Variants in MLLT3 observed in about 807,000 individuals in gnomAD.
The protein encoded by MLLT3 is MLLT3 super elongation complex subunit, also known as protein AF-9.
A neutral mutation model predicts 53.2 loss-of-function variants in MLLT3; 4 were observed. That is an observed-to-expected ratio of 0.08 (90% confidence interval 0.04 to 0.17). The LOEUF is 0.17. MLLT3 is among the 10% of genes least tolerant of loss of function. The probability of loss-of-function intolerance (pLI) is 1.00; values close to 1 mark genes in which losing one functional copy is unlikely to be tolerated. For synonymous variants in MLLT3, 283 were observed against 230.6 expected, an observed-to-expected ratio of 1.23 and a Z score of -2.06; for missense variants, 569 against 684.0, an observed-to-expected ratio of 0.83 and a Z score of 1.87.
chr9:20,484,764 G>T (rs190979900), intron 2 of MLLT3, among the ~76,000 whole-genome samples: 5 of 152,106 alleles, frequency 3.3e-5, no homozygotes, highest in Admixed American at 3.3e-4. Flanking sequence ...GCCTAATATG[G>T]TGCTTAACCC....
At chr9:20,406,230 C>G (rs1344251132) in intron 5 of MLLT3, among the ~76,000 whole-genome samples, 1 of 152,088 alleles carries the variant, frequency 6.6e-6, no homozygotes, top group Non-Finnish European at 1.5e-5. Context: ...GGCCATATAG[C>G]GAGACCCTGT....
intron 4 of MLLT3, among the ~76,000 whole-genome samples, chr9:20,431,076 G>A (rs886699798): frequency 6.6e-6 from 1 of 152,140 alleles, no homozygotes; most frequent in Middle Eastern, 3.4e-3. Flanking sequence ...CAAGAAAATA[G>A]AACAATGAGA....
intron 2 of MLLT3, among the ~76,000 whole-genome samples, chr9:20,584,150 C>A (rs1204058552): frequency 6.6e-6 from 1 of 152,196 alleles, no homozygotes; most frequent in Non-Finnish European, 1.5e-5. Flanking sequence ...TAAGGCAGGG[C>A]AAAACGCCAC....
chr9:20,620,318 G>A lies in MLLT3; in HGVS notation c.193+336C>T, dbSNP rs183218821. On this transcript the variant is annotated intron_variant, in intron 2 of 10. Transcript: ENST00000380338. The surrounding 1 kb of genome is among the most constrained non-coding windows in gnomAD (Gnocchi z 6.1). ...ACGCGCAAAGTGTTTATTCCCTCCA[G>A]CCCGATTCCCCACATCTCCAAACTC... 7.5e-4 allele frequency among the ~76,000 whole-genome samples: 112 copies of A among 149,586 alleles called. 2 individuals are homozygous for A. In the East Asian group the frequency reaches 0.021, roughly 28 times the overall value.
At position 20,536,339 on chromosome 9, in the gene MLLT3, G is replaced by A. The variant is rs553455672; in HGVS notation, c.194-79553C>T. Among the ~76,000 whole-genome samples the A allele has an allele frequency of 4.6e-5, 7 of 152,248 alleles. No homozygotes were observed. In the East Asian group the frequency reaches 1.3e-3, roughly 29 times the overall value. ...GTCCTTGGGAGTGAGCAAGTGTCCA[G>A]GGTTTTGGCAGGGCACACAGTAATA... On this transcript the variant is annotated intron_variant, in intron 2 of 10. Coordinates refer to ENST00000380338, the MANE Select transcript of MLLT3 (RefSeq NM_004529.4).
chr9:20,486,175 C>A (rs1027267726), intron 2 of MLLT3, among the ~76,000 whole-genome samples: 1 of 152,072 alleles, frequency 6.6e-6, no homozygotes, highest in Admixed American at 6.6e-5. Flanking sequence ...CAGAAAGATT[C>A]TGGTTATAAT....
chr9:20,554,757 G>A (rs1819011473), intron 2 of MLLT3, among the ~76,000 whole-genome samples: 1 of 152,072 alleles, frequency 6.6e-6, no homozygotes, highest in Admixed American at 6.5e-5. Context: ...CTTAGTACAA[G>A]GCATCTTGTT....
At chr9:20,395,838 T>C (rs1322280751) in intron 5 of MLLT3, among the ~76,000 whole-genome samples, 1 of 152,154 alleles carries the variant, frequency 6.6e-6, no homozygotes, top group Non-Finnish European at 1.5e-5. Flanking sequence ...TGCACTTTTA[T>C]AGGCTTTAAG....
chr9:20,571,456 T>C (rs1819530684), intron 2 of MLLT3, among the ~76,000 whole-genome samples: 1 of 152,260 alleles, frequency 6.6e-6, no homozygotes. Flanking sequence ...ATTTTTTTAC[T>C]ATACTTTAAG....
At chr9:20,410,112 T>C (rs1822686685) in intron 5 of MLLT3, among the ~76,000 whole-genome samples, 1 of 152,112 alleles carries the variant, frequency 6.6e-6, no homozygotes, top group Non-Finnish European at 1.5e-5. Context: ...ATCAAGACCA[T>C]ACACCTTGTG....
chr9:20,598,399 G>A (rs1563837207), intron 2 of MLLT3, among the ~76,000 whole-genome samples: 1 of 152,322 alleles, frequency 6.6e-6, no homozygotes, highest in East Asian at 1.9e-4. Flanking sequence ...TCTGAGGGCA[G>A]AGAAGCCATA....
intron 2 of MLLT3, among the ~76,000 whole-genome samples, chr9:20,511,149 C>A (rs1199317631): frequency 6.6e-6 from 1 of 151,496 alleles, no homozygotes; most frequent in Non-Finnish European, 1.5e-5. Flanking sequence ...TCTATTAGAG[C>A]CTAATACTAG....
At chr9:20,462,128 G>A (rs1023519833) in intron 2 of MLLT3, among the ~76,000 whole-genome samples, 3 of 152,074 alleles carry the variant, frequency 2.0e-5, no homozygotes, top group Non-Finnish European at 4.4e-5. Flanking sequence ...GTAGCTTACC[G>A]CACCTACCAC....
At chr9:20,370,485 A>G (rs1282179020) in intron 5 of MLLT3, among the ~76,000 whole-genome samples, 1 of 151,950 alleles carries the variant, frequency 6.6e-6, no homozygotes. Context: ...AATGGCCTCT[A>G]AATGTTCAAA....
intron 2 of MLLT3, among the ~76,000 whole-genome samples, chr9:20,491,501 T>C (rs1824946205): frequency 6.6e-6 from 1 of 152,182 alleles, no homozygotes; most frequent in African/African-American, 2.4e-5. Flanking sequence ...ATATTTATTT[T>C]ATGAGGAAGA....
intron 5 of MLLT3, among the ~76,000 whole-genome samples, chr9:20,406,631 TTCTC>T (rs1230446280): frequency 6.6e-6 from 1 of 152,156 alleles, no homozygotes; most frequent in East Asian, 1.9e-4. Flanking sequence ...ATTTCTTTCT[TTCTC>T]TATTTATTTA....
intron 2 of MLLT3, among the ~76,000 whole-genome samples, chr9:20,545,090 T>A (rs1233337797): frequency 3.9e-5 from 3 of 77,664 alleles, no homozygotes; most frequent in Admixed American, 2.3e-4. Context: ...GCAAGACCTA[T>A]CTCTACAAAA....
chr9:20,449,961 C>A (rs1258856074), intron 3 of MLLT3, among the ~76,000 whole-genome samples: 1 of 152,174 alleles, frequency 6.6e-6, no homozygotes, highest in South Asian at 2.1e-4. Context: ...ACAGTGACTC[C>A]CCCAAGTGTA....
intron 2 of MLLT3, among the ~76,000 whole-genome samples, chr9:20,602,744 T>C (rs1160490279): frequency 1.4e-5 from 2 of 146,308 alleles, no homozygotes; most frequent in African/African-American, 5.1e-5. Flanking sequence ...CTTGTAACAA[T>C]GTTTTATTAA....
Sources: gnomAD v4.1 joint callset for allele counts (sites outside exome capture counted in the v4.1 genomes callset) on GRCh38, gnomAD v4.1.1 for gene constraint, Gnocchi (gnomAD v3.1) non-coding constraint, MANE v1.5 for transcripts, NCBI Gene and HGNC (gene_info 2026-07-23, HGNC 2026-07-21) for gene names.